The following DCT variants were observed in gnomAD, a reference collection of about 807,000 sequenced individuals.
DCT encodes L-dopachrome tautomerase.
In DCT, 47 loss-of-function variants were observed where a neutral mutation model predicts 53.0. The ratio of observed to expected loss-of-function variants is 0.89; its 90% CI spans 0.70 to 1.13. DCT has a LOEUF of 1.13. Among genes scored for constraint, DCT ranks in the 50% most tolerant of loss-of-function variants. The probability of loss-of-function intolerance (pLI) is 0.00; values close to 1 mark genes in which losing one functional copy is unlikely to be tolerated. For synonymous variants in DCT, 244 were observed against 237.0 expected (o/e 1.03, Z -0.27); for missense variants, 669 against 637.4 (o/e 1.05, Z -0.53).
At chr13:94,475,981 G>A (rs182143233) in intron 1 of DCT, among the ~76,000 whole-genome samples, 1 of 152,302 alleles carries the variant, frequency 6.6e-6, no homozygotes, top group South Asian at 2.1e-4. Flanking sequence ...GATCACGGGG[G>A]GAGGTGAGCC....
intron 7 of DCT, among the ~76,000 whole-genome samples, chr13:94,442,095 C>T (rs1882366564): frequency 6.6e-6 from 1 of 152,092 alleles, no homozygotes; most frequent in South Asian, 2.1e-4. Context: ...CTAAGGCCCT[C>T]TGTACCTAGG....
intron 6 of DCT, among the ~76,000 whole-genome samples, chr13:94,448,903 C>CA (rs111824274): frequency 4.4e-4 from 64 of 146,682 alleles, no homozygotes; most frequent in Admixed American, 1.2e-3. Flanking sequence ...GACTCCATCT[C>CA]AAAAAAAAAA....
At chr13:94,541,416 A>C in the DCT span, among the ~76,000 whole-genome samples, 1 of 152,030 alleles carries the variant, frequency 6.6e-6, no homozygotes, top group Admixed American at 6.6e-5. Flanking sequence ...AGGCAGGAGA[A>C]TCACTTGAAC....
the DCT span, among the ~76,000 whole-genome samples, chr13:94,526,913 T>C: frequency 6.6e-6 from 1 of 152,022 alleles, no homozygotes; most frequent in Non-Finnish European, 1.5e-5. Flanking sequence ...AGTACACTCC[T>C]GACCAAATAC....
the DCT span, among the ~76,000 whole-genome samples, chr13:94,538,211 T>A: frequency 4.6e-5 from 7 of 152,236 alleles, no homozygotes; most frequent in Non-Finnish European, 1.0e-4. Context: ...GAGTGCTTAC[T>A]GAGCCTGCAG....
At chr13:94,524,274 G>C in the DCT span, among the ~76,000 whole-genome samples, 1 of 152,236 alleles carries the variant, frequency 6.6e-6, no homozygotes, top group African/African-American at 2.4e-5. Flanking sequence ...GGCACCTTCG[G>C]AATGGCTGAA....
the DCT span, among the ~76,000 whole-genome samples, chr13:94,523,482 T>C: frequency 6.6e-6 from 1 of 152,216 alleles, no homozygotes; most frequent in Non-Finnish European, 1.5e-5. Flanking sequence ...TGCAGTTACC[T>C]GAGTCACAGA....
At chr13:94,495,115 A>T in the DCT span, among the ~76,000 whole-genome samples, 3 of 151,892 alleles carry the variant, frequency 2.0e-5, no homozygotes, top group Non-Finnish European at 2.9e-5. Context: ...CTTTTTTTTT[A>T]AAACAGGGTC....
chr13:94,546,159 G>A, the DCT span, among the ~76,000 whole-genome samples: 3 of 152,138 alleles, frequency 2.0e-5, no homozygotes, highest in Non-Finnish European at 2.9e-5. This position sits in a 1 kb window ranked among gnomAD's most constrained non-coding sequence, Gnocchi z 4.2. Flanking sequence ...AATCAAGGAC[G>A]TAAAAAACCA....
intron 2 of DCT, chr13:94,467,715 A>C (rs1314933893): frequency 6.6e-6 from 1 of 152,206 alleles, no homozygotes; most frequent in African/African-American, 2.4e-5. Context: ...TCAGAACCCA[A>C]CAACGAGAGG....
intron 1 of DCT, among the ~76,000 whole-genome samples, chr13:94,472,577 TTTTTTTTTTTTTTTTTTTTTTG>T (rs1884812234): frequency 2.0e-5 from 1 of 49,588 alleles, no homozygotes; most frequent in Non-Finnish European, 4.5e-5. Flanking sequence ...TATTTTTTTT[TTTTTTTTTTTTTTTTTTTTTTG>T]TCAAGACAGT....
Position 94,443,595 on chromosome 13 carries a change from T to C in DCT, c.1222A>G (p.Lys408Glu). The C allele has an allele frequency of 1.9e-6, 3 of 1,614,068 alleles. No homozygotes were observed. The highest frequency in any genetic ancestry group is 2.5e-6 in the Non-Finnish European group (3 of 1,179,980). Reference sequence around the variant, plus strand: ...GCATCTGCAGGAGGATTAAATCTTTTCATCCACTCATCAAAGATGGCATCA... The same window carrying C: ...GCATCTGCAGGAGGATTAAATCTTTCCATCCACTCATCAAAGATGGCATCA... ...FTDAIFDEWM[K>E]RFNPPADAWP... The change falls in exon 7 of 8, where the codon AAA becomes GAA. Residue 408 changes from lysine to glutamate, a missense_variant. Lys to Glu is a moderately conservative substitution (Grantham distance 56). Transcript: ENST00000377028.
chr13:94,519,516 T>C, the DCT span, among the ~76,000 whole-genome samples: 1,065 of 151,782 alleles, frequency 7.0e-3, 17 homozygotes, highest in African/African-American at 0.025. Context: ...AAGAAGCATA[T>C]TGAGATGAGT....
At chr13:94,540,813 A>C in the DCT span, among the ~76,000 whole-genome samples, 71 of 152,348 alleles carry the variant, frequency 4.7e-4, no homozygotes, top group Middle Eastern at 3.4e-3. Context: ...ATCCAAAAGA[A>C]CGGAAATCAG....
chr13:94,536,846 AG>A, the DCT span, among the ~76,000 whole-genome samples: 1 of 152,136 alleles, frequency 6.6e-6, no homozygotes, highest in African/African-American at 2.4e-5. Flanking sequence ...CTGAAGACTG[AG>A]GCAGGAGAAT....
chr13:94,513,377 T>G, the DCT span, among the ~76,000 whole-genome samples: 2 of 152,178 alleles, frequency 1.3e-5, no homozygotes, highest in African/African-American at 4.8e-5. Context: ...GAATTTATCG[T>G]GTGGAGAGGT....
At chr13:94,492,776 G>A in the DCT span, among the ~76,000 whole-genome samples, 1 of 152,118 alleles carries the variant, frequency 6.6e-6, no homozygotes, top group African/African-American at 2.4e-5. Context: ...TCACCATCAA[G>A]AAATTATTCT....
the DCT span, among the ~76,000 whole-genome samples, chr13:94,520,232 T>G: frequency 3.9e-3 from 590 of 152,338 alleles, 2 homozygotes; most frequent in Middle Eastern, 0.01. Context: ...TTTGTTCTCT[T>G]TATTTCACAA....
At chr13:94,480,180 C>T (rs544871799), upstream of DCT, among the ~76,000 whole-genome samples, 14 of 152,266 alleles carry the variant, frequency 9.2e-5, no homozygotes, top group East Asian at 2.7e-3. Flanking sequence ...CACATCTACG[C>T]AGCAATTTTT....
Sources: allele counts gnomAD v4.1 joint callset (sites outside exome capture counted in the v4.1 genomes callset), GRCh38; gene constraint gnomAD v4.1.1; non-coding constraint Gnocchi (gnomAD v3.1); transcripts MANE v1.5; gene names NCBI Gene and HGNC (gene_info 2026-07-23, HGNC 2026-07-21).